Variants in YAE1 observed in about 807,000 individuals in gnomAD.
YAE1 encodes protein YAE1 homolog.
A neutral mutation model predicts 23.0 loss-of-function variants in YAE1; 22 were observed. The observed-to-expected ratio is 0.96, with a 90% CI of 0.68 to 1.37. The LOEUF is 1.37. YAE1 is among the 40% of genes most tolerant of loss of function. The pLI is 0.00. For missense variants in YAE1, 260 were observed against 262.1 expected, an observed-to-expected ratio of 0.99 and a Z score of 0.06; for synonymous variants, 101 against 97.0, an observed-to-expected ratio of 1.04 and a Z score of -0.24.
intron 2 of YAE1, 82 bp downstream of exon 2, chr7:39,570,709 C>A: frequency 6.8e-7 from 1 of 1,479,364 alleles, no homozygotes; most frequent in Non-Finnish European, 9.0e-7. Context: ...AGTGTTTAAA[C>A]TGAAATGCTT....
intron 2 of YAE1, among the ~76,000 whole-genome samples, chr7:39,602,509 T>G (rs1351430754): frequency 3.9e-5 from 6 of 152,250 alleles, no homozygotes; most frequent in Non-Finnish European, 7.3e-5. Flanking sequence ...AGATTCACTT[T>G]GCAAATATTT....
At chr7:39,586,384 G>T (rs1243653804) in intron 2 of YAE1, among the ~76,000 whole-genome samples, 3 of 150,672 alleles carry the variant, frequency 2.0e-5, no homozygotes, top group African/African-American at 7.3e-5. Context: ...GTGTTAGTCA[G>T]GATGGTCTCA....
intron 2 of YAE1, among the ~76,000 whole-genome samples, chr7:39,591,217 T>C (rs1434508599): frequency 6.6e-6 from 1 of 152,184 alleles, no homozygotes; most frequent in Non-Finnish European, 1.5e-5. Context: ...TTTAACTTAG[T>C]AACCTTTTAG....
chr7:39,589,541 G>A (rs1366213039), intron 2 of YAE1, among the ~76,000 whole-genome samples: 1 of 152,178 alleles, frequency 6.6e-6, no homozygotes, highest in Non-Finnish European at 1.5e-5. Context: ...TTACAGGTGT[G>A]AGCCACTGCA....
At chr7:39,587,099 C>T (rs1790830891) in intron 2 of YAE1, among the ~76,000 whole-genome samples, 1 of 151,570 alleles carries the variant, frequency 6.6e-6, no homozygotes, top group South Asian at 2.1e-4. Context: ...CTCTGTGGCC[C>T]AGACTGGAGT....
intron 2 of YAE1, among the ~76,000 whole-genome samples, chr7:39,571,387 C>T (rs923125496): frequency 1.3e-5 from 2 of 150,562 alleles, no homozygotes; most frequent in Non-Finnish European, 1.5e-5. Flanking sequence ...TTGGACACCC[C>T]TGCTTTATAC....
chr7:39,596,281 G>A (rs1378811455), intron 2 of YAE1, among the ~76,000 whole-genome samples: 1 of 151,818 alleles, frequency 6.6e-6, no homozygotes. Flanking sequence ...TGCAACCTCC[G>A]CCTACCAATT....
chr7:39,599,118 T>C (rs1038956664), intron 2 of YAE1, among the ~76,000 whole-genome samples: 1 of 151,990 alleles, frequency 6.6e-6, no homozygotes, highest in African/African-American at 2.4e-5. Flanking sequence ...TGCATGGCTA[T>C]AATCCCAGCT....
Position 39,572,382 on chromosome 7 carries a change from A to T in YAE1, c.357A>T (p.Lys119Asn). ...AVGQCEEYVL[K>N]HLKSITPPSH... ...GCCAGTGTGAAGAGTATGTGCTCAA[A>T]CATCTGAAATCAATCACTCCACCGT... Residue 119 changes from lysine (K) to asparagine (N), a missense_variant, in exon 3 of 3, where the codon AAA (lysine) becomes AAT (asparagine). Coordinates refer to ENST00000223273, the MANE Select transcript of YAE1 (RefSeq NM_020192.5). 6.2e-7 allele frequency: 1 copy of T among 1,614,146 alleles called. No homozygotes were observed. Among genetic ancestry groups the T allele is most frequent in the Non-Finnish European group, 8.5e-7 (1 of 1,179,980 alleles).
At chr7:39,599,369 TG>T (rs1466152780) in intron 2 of YAE1, among the ~76,000 whole-genome samples, 2 of 145,932 alleles carry the variant, frequency 1.4e-5, no homozygotes, top group Non-Finnish European at 2.9e-5. Context: ...TTTTTTGTTT[TG>T]TTTTTTTGTT....
chr7:39,606,106 A>C (rs951940105), intron 2 of YAE1, among the ~76,000 whole-genome samples: 4 of 152,012 alleles, frequency 2.6e-5, no homozygotes, highest in Non-Finnish European at 5.9e-5. Flanking sequence ...ACAACTTTGA[A>C]ATCTCATTAT....
rs1484715329 is a variant in YAE1 at position 39,609,703 on chromosome 7, C to T, written c.338C>T (p.Pro113Leu). 24 of 1,535,562 alleles carry T rather than the reference C, an allele frequency of 1.6e-5. No individual in the cohort carries two copies. The Admixed American group carries it at 3.7e-4, about 24-fold the overall frequency. The change falls in exon 3 of 3, where the codon CCG (proline) becomes CTG (leucine). Residue 113 changes from proline (P) to leucine (L), a missense_variant. Transcript: ENST00000432096. ...ACGCAACTACTGCCGCGTCCCCTCCCGGTCCCCGGCCACATGGCGAGCGGG... is the reference window on the plus strand; with the variant it reads ...ACGCAACTACTGCCGCGTCCCCTCCTGGTCCCCGGCCACATGGCGAGCGGG...
Position 39,586,990 on chromosome 7 carries a change from G to T in YAE1, c.251+16363G>T, listed in dbSNP as rs1790827143. 3.4e-5 allele frequency among the ~76,000 whole-genome samples: 5 copies of T among 146,538 alleles called. No homozygotes were observed. The South Asian group carries it at 1.2e-3, about 35-fold the overall frequency. On this transcript the variant is annotated intron_variant, in intron 2 of 2. Coordinates refer to the YAE1 transcript ENST00000432096. The stretch of plus-strand genomic sequence containing the variant: ...GTCATGGGTTCACCACCAGCCTAAA[G>T]CCTGGAAAGAGTCTTTCTTTTCTTT...
downstream of YAE1, among the ~76,000 whole-genome samples, chr7:39,612,031 A>G (rs1583690151): frequency 1.3e-5 from 2 of 152,364 alleles, no homozygotes; most frequent in South Asian, 2.1e-4. Flanking sequence ...GGTTCTTTGT[A>G]CATTTTCATT....
At chr7:39,601,231 G>A (rs1170094320) in intron 2 of YAE1, among the ~76,000 whole-genome samples, 3 of 152,186 alleles carry the variant, frequency 2.0e-5, no homozygotes, top group African/African-American at 4.8e-5. Flanking sequence ...CCAGGAACAT[G>A]CTTAATTCCT....
chr7:39,587,143 G>A (rs567592138), intron 2 of YAE1, among the ~76,000 whole-genome samples: 79 of 151,602 alleles, frequency 5.2e-4, no homozygotes, highest in African/African-American at 1.8e-3. Context: ...TGCAACCTCC[G>A]CCTCCCAGGT....
At chr7:39,570,740 A>G in intron 2 of YAE1, 113 bp downstream of exon 2, 1 of 1,340,334 alleles carries the variant, frequency 7.5e-7, no homozygotes, top group Non-Finnish European at 9.9e-7. Context: ...TAAATACACT[A>G]AAGCGTGTCG....
intron 2 of YAE1, among the ~76,000 whole-genome samples, chr7:39,586,972 G>T (rs955288147): frequency 3.3e-5 from 5 of 152,130 alleles, no homozygotes; most frequent in African/African-American, 1.2e-4. Flanking sequence ...CAGGTCATGG[G>T]TTCACCACCA....
intron 2 of YAE1, among the ~76,000 whole-genome samples, chr7:39,579,093 G>T: frequency 6.6e-6 from 1 of 152,132 alleles, no homozygotes; most frequent in East Asian, 1.9e-4. Context: ...GGGAAGTAAT[G>T]GTTAACGCAG....
Sources: allele counts gnomAD v4.1 joint callset (sites outside exome capture counted in the v4.1 genomes callset), GRCh38; gene constraint gnomAD v4.1.1; transcripts MANE v1.5; gene names NCBI Gene and HGNC (gene_info 2026-07-23, HGNC 2026-07-21).